The following AGBL4 variants were observed in gnomAD, a reference collection of about 807,000 sequenced individuals.
AGBL4 encodes the protein cytosolic carboxypeptidase 6.
AGBL4 carries 58 observed loss-of-function variants against 66.4 expected under a neutral mutation model. That is an observed-to-expected ratio of 0.87 (90% CI 0.71 to 1.09). The LOEUF (loss-of-function observed/expected upper bound fraction) is 1.09, where lower values mean the gene tolerates loss of function less well. Ranked by LOEUF, AGBL4 falls within the 50% of genes least tolerant of loss-of-function variation. AGBL4 has a pLI of 0.00. For synonymous variants in AGBL4, 234 were observed against 222.9 expected (o/e 1.05, Z -0.44); for missense variants, 579 against 631.0 (o/e 0.92, Z 0.88).
chr1:48,599,613 T>A (rs1645046008), intron 9 of AGBL4, among the ~76,000 whole-genome samples: 1 of 152,202 alleles, frequency 6.6e-6, no homozygotes, highest in African/African-American at 2.4e-5. Context: ...TGTGGCCACA[T>A]CTCCATAGAA....
intron 6 of AGBL4, among the ~76,000 whole-genome samples, chr1:48,833,451 C>G (rs1456710879): frequency 6.6e-6 from 1 of 152,124 alleles, no homozygotes; most frequent in Admixed American, 6.5e-5. Flanking sequence ...TTCCTCCTGG[C>G]TGCTTATAAT....
At chr1:49,351,738 GC>G in intron 3 of AGBL4, among the ~76,000 whole-genome samples, 1 of 152,032 alleles carries the variant, frequency 6.6e-6, no homozygotes, top group East Asian at 1.9e-4. Flanking sequence ...AAAGACATTG[GC>G]CTAAGAATCA....
chr1:49,112,403 G>C (rs189325575), intron 4 of AGBL4, among the ~76,000 whole-genome samples: 2 of 152,318 alleles, frequency 1.3e-5, no homozygotes, highest in East Asian at 3.9e-4. Flanking sequence ...GCTACTGACT[G>C]ATCAGGGTGC....
intron 3 of AGBL4, among the ~76,000 whole-genome samples, chr1:49,692,310 T>C (rs1354679758): frequency 6.6e-6 from 1 of 152,192 alleles, no homozygotes; most frequent in African/African-American, 2.4e-5. Context: ...AAAATTGGTT[T>C]AAATCCATTG....
At chr1:49,616,096 T>C (rs2124266534) in intron 3 of AGBL4, among the ~76,000 whole-genome samples, 1 of 152,310 alleles carries the variant, frequency 6.6e-6, no homozygotes, top group East Asian at 1.9e-4. Context: ...AGGAGGAATA[T>C]ATGTAAAGTA....
chr1:49,951,993 G>T (rs1213280628), intron 1 of AGBL4, among the ~76,000 whole-genome samples: 1 of 151,836 alleles, frequency 6.6e-6, no homozygotes, highest in Admixed American at 6.6e-5. Context: ...GGCTACCAGG[G>T]TCTGGGAGAA....
chr1:49,560,455 G>A (rs1413580925), intron 3 of AGBL4, among the ~76,000 whole-genome samples: 1 of 151,922 alleles, frequency 6.6e-6, no homozygotes, highest in Non-Finnish European at 1.5e-5. Context: ...AAACAATGAA[G>A]CACACCTAAA....
chr1:48,742,841 C>T (rs948022176), intron 6 of AGBL4: 4 of 1,413,014 alleles, frequency 2.8e-6, no homozygotes, highest in Non-Finnish European at 3.7e-6. Context: ...TTTAACTAGG[C>T]ATCTATCAGC....
At chr1:49,271,478 A>C (rs1644056312) in intron 3 of AGBL4, among the ~76,000 whole-genome samples, 1 of 151,654 alleles carries the variant, frequency 6.6e-6, no homozygotes, top group South Asian at 2.1e-4. Flanking sequence ...GTTTTCTCTA[A>C]GAGCTCCATA....
intron 1 of AGBL4, chr1:49,994,645 G>A (rs1660226418): frequency 6.6e-6 from 1 of 152,456 alleles, no homozygotes; most frequent in African/African-American, 2.4e-5. Context: ...TTGCAAATGG[G>A]AGGCAGGACT....
Position 48,550,200 on chromosome 1 carries a change from CA to C in AGBL4, c.1268-10463del. Among the ~76,000 whole-genome samples, 2 of 152,258 alleles carry C rather than the reference CA, an allele frequency of 1.3e-5. 1 individual carries two copies. Among genetic ancestry groups the C allele is most frequent in the Middle Eastern group, 6.8e-3 (2 of 294 alleles). ...TTCCATTGCCACTGTAACAAATCAC[CA>C]CACACTTAGTGGCTTAAAACAACAG... On this transcript the variant is annotated intron_variant, in intron 11 of 13. Coordinates refer to ENST00000371839, the MANE Select transcript of AGBL4 (RefSeq NM_032785.4).
intron 7 of AGBL4, among the ~76,000 whole-genome samples, chr1:48,657,023 G>C (rs1296806018): frequency 6.6e-6 from 1 of 152,132 alleles, no homozygotes; most frequent in Non-Finnish European, 1.5e-5. Context: ...TCCAGGCTGG[G>C]GTAGGAAGAG....
intron 4 of AGBL4, among the ~76,000 whole-genome samples, chr1:49,168,927 T>C (rs1646682637): frequency 6.6e-6 from 1 of 152,142 alleles, no homozygotes; most frequent in Non-Finnish European, 1.5e-5. Context: ...CAACCTAATG[T>C]ATGGAGGGAT....
intron 3 of AGBL4, among the ~76,000 whole-genome samples, chr1:49,686,320 C>A (rs1008767691): frequency 1.3e-5 from 2 of 152,162 alleles, no homozygotes; most frequent in African/African-American, 4.8e-5. Context: ...ATGGGGAACA[C>A]CTCGGCTCCT....
At chr1:49,337,483 A>T (rs1466530289) in intron 3 of AGBL4, among the ~76,000 whole-genome samples, 2 of 152,224 alleles carry the variant, frequency 1.3e-5, no homozygotes, top group Non-Finnish European at 2.9e-5. Flanking sequence ...ATTGGCAGTC[A>T]GGATTGTCAG....
At chr1:49,070,810 C>T (rs1377118801) in intron 4 of AGBL4, among the ~76,000 whole-genome samples, 7 of 151,936 alleles carry the variant, frequency 4.6e-5, no homozygotes, top group Admixed American at 3.3e-4. Flanking sequence ...AGGAATGGTA[C>T]CAGCTCCTCT....
intron 3 of AGBL4, among the ~76,000 whole-genome samples, chr1:49,438,706 ACT>A (rs1384256066): frequency 1.3e-5 from 2 of 152,180 alleles, no homozygotes; most frequent in African/African-American, 4.8e-5. Context: ...AGTCCTTGAG[ACT>A]CTCACACACT....
chr1:49,656,536 G>A (rs549281877), intron 3 of AGBL4, among the ~76,000 whole-genome samples: 9 of 152,122 alleles, frequency 5.9e-5, no homozygotes, highest in African/African-American at 1.4e-4. Flanking sequence ...TACCAAAGCC[G>A]GGCAGAGGCA....
chr1:49,556,535 T>A (rs1203034589), intron 3 of AGBL4, among the ~76,000 whole-genome samples: 1 of 140,704 alleles, frequency 7.1e-6, no homozygotes, highest in Non-Finnish European at 1.6e-5. Flanking sequence ...TATATATATA[T>A]AAACAAATCT....
Sources: gnomAD v4.1 joint callset for allele counts (sites outside exome capture counted in the v4.1 genomes callset) on GRCh38, gnomAD v4.1.1 for gene constraint, MANE v1.5 for transcripts, NCBI Gene and HGNC (gene_info 2026-07-23, HGNC 2026-07-21) for gene names.